PALM2AKAP2: variants seen among roughly 807,000 people sequenced by gnomAD.
PALM2AKAP2 encodes the protein PALM2-AKAP2 fusion protein.
PALM2AKAP2 carries 37 observed loss-of-function variants against 71.5 expected under a neutral mutation model. The observed-to-expected ratio is 0.52, with a 90% CI of 0.40 to 0.68. The LOEUF (loss-of-function observed/expected upper bound fraction) is 0.68, where lower values mean the gene tolerates loss of function less well. PALM2AKAP2 is among the 30% of genes least tolerant of loss of function. The pLI, the probability that PALM2AKAP2 is intolerant of heterozygous loss-of-function variation, is 0.00. For missense variants in PALM2AKAP2, 1,224 were observed against 1,191.8 expected, an observed-to-expected ratio of 1.03 and a Z score of -0.40; for synonymous variants, 468 against 478.8, an observed-to-expected ratio of 0.98 and a Z score of 0.29.
At chr9:109,929,935 C>T (rs1228350350) in intron 5 of PALM2AKAP2, among the ~76,000 whole-genome samples, 2 of 149,512 alleles carry the variant, frequency 1.3e-5, no homozygotes, top group Non-Finnish European at 1.5e-5. Context: ...TAATGCACAA[C>T]TTCAGACATG....
intron 1 of PALM2AKAP2, among the ~76,000 whole-genome samples, chr9:109,771,631 G>C (rs550319366): frequency 3.8e-4 from 58 of 152,286 alleles, no homozygotes; most frequent in African/African-American, 1.3e-3. Flanking sequence ...AATTCTAACA[G>C]AGAACTCTCT....
chr9:110,137,833 C>T (rs1835927035), exon 2 of PALM2AKAP2: 1 of 1,614,164 alleles, frequency 6.2e-7, no homozygotes, highest in Non-Finnish European at 8.5e-7. Flanking sequence ...CTGACAACCC[C>T]TCAGAGGGCC....
chr9:109,732,939 C>T (rs1355944679), intron 1 of PALM2AKAP2, among the ~76,000 whole-genome samples: 1 of 152,040 alleles, frequency 6.6e-6, no homozygotes, highest in Non-Finnish European at 1.5e-5. Context: ...ACAAATTCCC[C>T]AGGGAGATCA....
intron 1 of PALM2AKAP2, among the ~76,000 whole-genome samples, chr9:109,689,210 T>C (rs973093041): frequency 6.7e-5 from 10 of 150,100 alleles, no homozygotes; most frequent in African/African-American, 7.3e-5. Flanking sequence ...CTTTTTTTTT[T>C]TTTTTTTTTT....
At chr9:109,938,689 AT>A (rs1831287159) in intron 6 of PALM2AKAP2, among the ~76,000 whole-genome samples, 1 of 152,198 alleles carries the variant, frequency 6.6e-6, no homozygotes, top group African/African-American at 2.4e-5. Flanking sequence ...CCAAAAAACC[AT>A]TAAGAAGGTG....
At chr9:109,657,798 G>A (rs775164864) in intron 1 of PALM2AKAP2, among the ~76,000 whole-genome samples, 47 of 152,228 alleles carry the variant, frequency 3.1e-4, no homozygotes, top group Non-Finnish European at 6.2e-4. Flanking sequence ...GCTCATAGCA[G>A]TTTTTCTTTG....
intron 1 of PALM2AKAP2, among the ~76,000 whole-genome samples, chr9:109,665,657 T>G (rs941416350): frequency 2.6e-5 from 4 of 152,214 alleles, no homozygotes; most frequent in Non-Finnish European, 5.9e-5. Context: ...AGGGACCCAC[T>G]TGAGGAGGCA....
At chr9:110,161,551 G>C (rs1836598935) in intron 3 of PALM2AKAP2, among the ~76,000 whole-genome samples, 1 of 152,164 alleles carries the variant, frequency 6.6e-6, no homozygotes. Flanking sequence ...CAGGCCCCCA[G>C]GGTTCTGACG....
At chr9:110,046,710 C>T (rs1384980912), upstream of PALM2AKAP2, among the ~76,000 whole-genome samples, 5 of 152,112 alleles carry the variant, frequency 3.3e-5, no homozygotes, top group East Asian at 1.9e-4. Context: ...TCAGATGATC[C>T]GCCCACCTCG....
At chr9:109,797,185 G>T (rs962674809) in intron 1 of PALM2AKAP2, among the ~76,000 whole-genome samples, 3 of 152,068 alleles carry the variant, frequency 2.0e-5, no homozygotes, top group Admixed American at 6.6e-5. Flanking sequence ...ATCTCTCTCA[G>T]CTGGGTTGTG....
At chr9:109,941,109 T>G (rs1176800990) in intron 6 of PALM2AKAP2, among the ~76,000 whole-genome samples, 1 of 151,610 alleles carries the variant, frequency 6.6e-6, no homozygotes, top group African/African-American at 2.4e-5. Context: ...TTTTCTTCCT[T>G]CTCCTTCCCC....
chr9:109,692,429 T>C (rs1451767783), intron 1 of PALM2AKAP2, among the ~76,000 whole-genome samples: 2 of 152,142 alleles, frequency 1.3e-5, no homozygotes, highest in Admixed American at 6.5e-5. Context: ...CTTATATCTA[T>C]CTTTTACTTC....
intron 1 of PALM2AKAP2, among the ~76,000 whole-genome samples, chr9:110,079,786 G>T (rs973842859): frequency 3.3e-5 from 5 of 151,900 alleles, no homozygotes; most frequent in Non-Finnish European, 5.9e-5. Flanking sequence ...TTATTAGAAG[G>T]TTGCTGGGCA....
upstream of PALM2AKAP2, among the ~76,000 whole-genome samples, chr9:109,775,412 C>T (rs1036393529): frequency 1.5e-4 from 23 of 152,192 alleles, no homozygotes; most frequent in African/African-American, 5.6e-4. Flanking sequence ...TCCATGGGGA[C>T]TCCCTAAATG....
At chr9:110,069,560 C>G (rs995659050) in intron 1 of PALM2AKAP2, among the ~76,000 whole-genome samples, 2 of 152,174 alleles carry the variant, frequency 1.3e-5, no homozygotes, top group Admixed American at 6.6e-5. Context: ...TTTTCATGTT[C>G]ATGTTCAGGG....
At chr9:109,878,227 T>C (rs1340660014) in intron 2 of PALM2AKAP2, among the ~76,000 whole-genome samples, 1 of 152,232 alleles carries the variant, frequency 6.6e-6, no homozygotes, top group Non-Finnish European at 1.5e-5. Context: ...TGCCCTATAA[T>C]GTAAAAACTG....
chr9:109,869,423 G>C (rs1030590996), intron 2 of PALM2AKAP2, among the ~76,000 whole-genome samples: 3 of 152,006 alleles, frequency 2.0e-5, no homozygotes, highest in Non-Finnish European at 4.4e-5. Flanking sequence ...CCGCCTCCCA[G>C]GTTCACGCCA....
At chr9:109,942,805 G>T in intron 6 of PALM2AKAP2, 1 of 1,614,188 alleles carries the variant, frequency 6.2e-7, no homozygotes, top group Non-Finnish European at 8.5e-7. Flanking sequence ...AGTCTATGAT[G>T]ATGGTACCAA....
At chr9:109,748,662 A>G (rs10115465) in intron 1 of PALM2AKAP2, among the ~76,000 whole-genome samples, 46,335 of 151,992 alleles carry the variant, frequency 0.3, 7,213 homozygotes, top group Middle Eastern at 0.4. Context: ...GGAAACTGGG[A>G]ATTACACTTT....
Sources: allele counts gnomAD v4.1 joint callset (sites outside exome capture counted in the v4.1 genomes callset), GRCh38; gene constraint gnomAD v4.1.1; transcripts MANE v1.5; gene names NCBI Gene and HGNC (gene_info 2026-07-23, HGNC 2026-07-21).